Variants in DYRK1A observed in about 807,000 individuals in gnomAD.
The protein encoded by DYRK1A is dual specificity tyrosine phosphorylation regulated kinase 1A.
A neutral mutation model predicts 79.7 loss-of-function variants in DYRK1A; 9 were observed. The ratio of observed to expected loss-of-function variants is 0.11; its 90% CI spans 0.07 to 0.20. The LOEUF is 0.20. DYRK1A is among the 10% of genes least tolerant of loss of function. The pLI, the probability that DYRK1A is intolerant of heterozygous loss-of-function variation, is 1.00. For missense variants in DYRK1A, 622 were observed against 956.0 expected (o/e 0.65, Z 4.61); for synonymous variants, 349 against 329.7 (o/e 1.06, Z -0.63).
At chr21:37,479,254 T>G (rs554002687) in intron 4 of DYRK1A, among the ~76,000 whole-genome samples, 1 of 152,334 alleles carries the variant, frequency 6.6e-6, no homozygotes, top group East Asian at 1.9e-4. Context: ...CATTTCTGAG[T>G]TAGATTTTGT....
At chr21:37,381,006 A>G (rs2049646459) in intron 1 of DYRK1A, among the ~76,000 whole-genome samples, 1 of 152,190 alleles carries the variant, frequency 6.6e-6, no homozygotes, top group South Asian at 2.1e-4. Context: ...CTTCCTTCAT[A>G]ACGCTTATTA....
intron 1 of DYRK1A, among the ~76,000 whole-genome samples, chr21:37,369,407 G>A (rs2049384832): frequency 6.6e-6 from 1 of 152,196 alleles, no homozygotes; most frequent in Non-Finnish European, 1.5e-5. Context: ...AAGCTTACTT[G>A]ATTATAGTCA....
chr21:37,420,836 TTTTG>T (rs1450731820), intron 2 of DYRK1A, among the ~76,000 whole-genome samples: 1 of 152,060 alleles, frequency 6.6e-6, no homozygotes, highest in East Asian at 1.9e-4. Flanking sequence ...TGCTCTGGGA[TTTTG>T]TTTATTTTTT....
chr21:37,458,995 G>A (rs553563930), intron 2 of DYRK1A, among the ~76,000 whole-genome samples: 95 of 152,286 alleles, frequency 6.2e-4, no homozygotes, highest in African/African-American at 1.9e-3. Context: ...TGTCAGGCTG[G>A]CAGTTCACTG....
At chr21:37,505,673 A>G (rs781050801) in intron 10 of DYRK1A, 84 bp downstream of exon 10, 22 of 1,412,058 alleles carry the variant, frequency 1.6e-5, no homozygotes, top group Non-Finnish European at 2.0e-5. Flanking sequence ...TGTTGATTAA[A>G]TTTGTTAATA....
intron 11 of DYRK1A, chr21:37,506,439 A>G: frequency 7.1e-7 from 1 of 1,401,026 alleles, no homozygotes. Flanking sequence ...GGGGCATAAC[A>G]GTTGTTGTTT....
At chr21:37,374,874 T>C (rs1385259840) in intron 1 of DYRK1A, among the ~76,000 whole-genome samples, 2 of 152,184 alleles carry the variant, frequency 1.3e-5, no homozygotes, top group African/African-American at 4.8e-5. Flanking sequence ...TCTTAAGGAC[T>C]CCAGGTAATC....
chr21:37,466,907 G>A (rs1365120219), intron 2 of DYRK1A, among the ~76,000 whole-genome samples: 1 of 152,042 alleles, frequency 6.6e-6, no homozygotes, highest in Non-Finnish European at 1.5e-5. Flanking sequence ...TTGAGGTGAA[G>A]AGGATATCAC....
At chr21:37,431,763 C>A (rs143756840) in intron 2 of DYRK1A, among the ~76,000 whole-genome samples, 3,634 of 152,246 alleles carry the variant, frequency 0.024, 78 homozygotes, top group Non-Finnish European at 0.04. Flanking sequence ...GAAATTGATA[C>A]AAAAATACTT....
chr21:37,381,903 A>T (rs1172042087), intron 1 of DYRK1A, among the ~76,000 whole-genome samples: 1 of 152,266 alleles, frequency 6.6e-6, no homozygotes, highest in Non-Finnish European at 1.5e-5. Flanking sequence ...TTTGGACAAC[A>T]GAACAAGAAT....
intron 2 of DYRK1A, among the ~76,000 whole-genome samples, chr21:37,468,182 A>T (rs189913020): frequency 4.1e-4 from 62 of 152,056 alleles, no homozygotes; most frequent in African/African-American, 1.4e-3. Context: ...CACAATCATA[A>T]CTCACTGCAG....
At chr21:37,397,423 C>A (rs2049977121) in intron 1 of DYRK1A, among the ~76,000 whole-genome samples, 1 of 152,114 alleles carries the variant, frequency 6.6e-6, no homozygotes, top group African/African-American at 2.4e-5. Context: ...TAAAACTAAC[C>A]AGCCCTGATT....
intron 1 of DYRK1A, among the ~76,000 whole-genome samples, chr21:37,392,393 T>G (rs915437222): frequency 1.3e-5 from 2 of 152,244 alleles, no homozygotes; most frequent in African/African-American, 4.8e-5. Context: ...TTTATAAAAT[T>G]ATTATTTGTA....
At chr21:37,451,146 T>C (rs2148501710) in intron 2 of DYRK1A, among the ~76,000 whole-genome samples, 1 of 152,326 alleles carries the variant, frequency 6.6e-6, no homozygotes, top group South Asian at 2.1e-4. Flanking sequence ...TGCAGTGTTT[T>C]AAGCTGTTAT....
intron 5 of DYRK1A, among the ~76,000 whole-genome samples, chr21:37,482,917 G>A (rs979902544): frequency 5.9e-5 from 9 of 152,206 alleles, no homozygotes; most frequent in African/African-American, 2.2e-4. Context: ...TCAGTGGTCA[G>A]AATTTAAGAT....
chr21:37,502,858 GAT>G (rs1304852587), intron 9 of DYRK1A: 1 of 152,060 alleles, frequency 6.6e-6, no homozygotes, highest in East Asian at 1.9e-4. Flanking sequence ...TTTTTTGGAA[GAT>G]ATTTTCAGTG....
chr21:37,512,107 C>T lies in DYRK1A; in HGVS notation c.1841C>T (p.Ala614Val), dbSNP rs902409542. Residue 614 changes from alanine (A) to valine (V), a missense_variant, in exon 12 of 12, where the codon GCC (alanine) becomes GTC (valine). Ala to Val is a moderately conservative substitution (Grantham distance 64). This residue lies in a region of DYRK1A where 292 missense variants were observed against 316.7 expected (regional missense o/e 0.92). Transcript: ENST00000647188. Reference sequence around the variant, plus strand: ...CATCACCACCACCATGGACAACAAGCCTTGGGTAACCGGACCAGGCCAAGG... The same window carrying T: ...CATCACCACCACCATGGACAACAAGTCTTGGGTAACCGGACCAGGCCAAGG... ...HHHHHHHGQQ[A>V]LGNRTRPRVY... 1 of 1,614,032 alleles carries T rather than the reference C, an allele frequency of 6.2e-7. No homozygotes were observed. The highest frequency in any genetic ancestry group is 1.3e-5 in the African/African-American group (1 of 74,910).
intron 1 of DYRK1A, among the ~76,000 whole-genome samples, chr21:37,397,242 C>T (rs572768882): frequency 4.1e-4 from 62 of 152,304 alleles, no homozygotes; most frequent in African/African-American, 1.3e-3. Flanking sequence ...ACTGGAGTCT[C>T]TGCCACAACT....
intron 2 of DYRK1A, among the ~76,000 whole-genome samples, chr21:37,452,888 A>G (rs1368204002): frequency 6.6e-6 from 1 of 151,796 alleles, no homozygotes; most frequent in Non-Finnish European, 1.5e-5. Flanking sequence ...CTGGAACAGC[A>G]CTGCCAATAG....
Sources: gnomAD v4.1 joint callset for allele counts (sites outside exome capture counted in the v4.1 genomes callset) on GRCh38, gnomAD v4.1.1 for gene constraint, gnomAD v4.1.1 regional missense constraint, MANE v1.5 for transcripts, NCBI Gene and HGNC (gene_info 2026-07-23, HGNC 2026-07-21) for gene names.